Variants in NT5DC4 observed in about 807,000 individuals in gnomAD.
NT5DC4 encodes 5'-nucleotidase domain containing 4, also known as 5'-nucleotidase domain-containing protein 4.
A neutral mutation model predicts 26.6 loss-of-function variants in NT5DC4; 44 were observed. The ratio of observed to expected loss-of-function variants is 1.65; its 90% CI spans 1.30 to 2.13. The LOEUF is 2.13. Among genes scored for constraint, NT5DC4 ranks in the 30% most tolerant of loss-of-function variants. NT5DC4 has a pLI of 0.00. For missense variants in NT5DC4, 399 were observed against 228.1 expected (o/e 1.75, Z -4.83); for synonymous variants, 157 against 86.7 (o/e 1.81, Z -4.51).
At chr2:112,730,695 T>C (rs975197713) in intron 16 of NT5DC4, among the ~76,000 whole-genome samples, 5 of 152,214 alleles carry the variant, frequency 3.3e-5, no homozygotes, top group African/African-American at 1.2e-4. Flanking sequence ...GTGTATCCCA[T>C]AGGTCCCCTT....
chr2:112,727,438 G>C (rs1677888932), intron 15 of NT5DC4, among the ~76,000 whole-genome samples: 1 of 152,190 alleles, frequency 6.6e-6, no homozygotes, highest in Non-Finnish European at 1.5e-5. Flanking sequence ...TGGCGGGGTG[G>C]GGCCTGCCAG....
upstream of NT5DC4, among the ~76,000 whole-genome samples, chr2:112,719,211 G>A (rs1225484043): frequency 2.0e-5 from 3 of 152,200 alleles, no homozygotes; most frequent in Non-Finnish European, 2.9e-5. Flanking sequence ...TTATGATGGC[G>A]ATGAGGTCAC....
rs565706601 is a variant in NT5DC4 at position 112,723,730 on chromosome 2, C to T, written c.684C>T (p.Pro228=). ...TATCTCTGCCCCAGCCACGCCTCCC[C>T]ATCCTGCTGGGGAAGATGAAGGAGG... The part of the protein sequence containing the change: ...EKYVKKDPRL[P]ILLGKMKEVG... The change falls in exon 9 of 17, where the codon CCC becomes CCT. Residue 228 remains proline, a synonymous_variant. Transcript: ENST00000688554. The T allele has an allele frequency of 1.3e-5, 9 of 717,170 alleles. No individual in the cohort carries two copies. The East Asian group carries it at 2.4e-4, about 19-fold the overall frequency. 44.4% of individuals were successfully genotyped at this position (717,170 alleles called of 1,614,324 possible). A position where few individuals can be genotyped will look rare whatever the true frequency, so the allele number is the denominator to read the frequency against.
chr2:112,724,421 G>T, intron 10 of NT5DC4: 1 of 579,642 alleles, frequency 1.7e-6, no homozygotes, highest in Non-Finnish European at 3.1e-6. Flanking sequence ...GAGGGGTGCT[G>T]GGAGTGACAG....
At chr2:112,740,480 C>T (rs572338650), downstream of NT5DC4, among the ~76,000 whole-genome samples, 3 of 152,294 alleles carry the variant, frequency 2.0e-5, no homozygotes, top group Admixed American at 6.5e-5. Context: ...CACTGCTCTC[C>T]GTTCTTAGAG....
At chr2:112,731,917 CTTT>C (rs749249208) in intron 16 of NT5DC4, among the ~76,000 whole-genome samples, 3 of 108,628 alleles carry the variant, frequency 2.8e-5, no homozygotes, top group African/African-American at 3.6e-5. Context: ...AGAGAGTTTA[CTTT>C]TTTTTTTTTT....
intron 7 of NT5DC4, 57 bp from the exon 8 acceptor site, chr2:112,723,361 G>GCGCACA (rs1553432650): frequency 6.3e-6 from 4 of 636,794 alleles, no homozygotes; most frequent in South Asian, 1.8e-5. Flanking sequence ...GGGTACACAT[G>GCGCACA]CACACACACA....
chr2:112,719,938 CTTTCTTTCTTTCTT>C (rs1558714953), upstream of NT5DC4, among the ~76,000 whole-genome samples: 2 of 83,600 alleles, frequency 2.4e-5, no homozygotes, highest in African/African-American at 5.2e-5. Flanking sequence ...TTCTTTCTTT[CTTTCTTTCTTTCTT>C]TCTTTCTTTC....
At chr2:112,741,077 T>A, downstream of NT5DC4, 1 of 979,776 alleles carries the variant, frequency 1.0e-6, no homozygotes, top group Admixed American at 1.9e-5. Context: ...GTCAATAACA[T>A]GAAAAATACA....
intron 16 of NT5DC4, 106 bp from the exon 17 acceptor site, chr2:112,738,807 A>G: frequency 6.5e-7 from 1 of 1,540,352 alleles, no homozygotes; most frequent in South Asian, 1.1e-5. Context: ...CCTTTTTTAA[A>G]AAAAGCATCA....
intron 1 of NT5DC4, chr2:112,721,532 A>G (rs1202762262): frequency 7.0e-6 from 5 of 717,808 alleles, no homozygotes; most frequent in African/African-American, 5.2e-5. Context: ...TTGGATGCCT[A>G]TAACATGCCT....
At chr2:112,723,196 C>T in intron 7 of NT5DC4, 22 bp downstream of exon 7, 2 of 717,272 alleles carry the variant, frequency 2.8e-6, no homozygotes, top group African/African-American at 1.7e-5. Context: ...GTCCAGAACC[C>T]CCGGACCCCT....
intron 16 of NT5DC4, among the ~76,000 whole-genome samples, chr2:112,733,035 C>T (rs1255040263): frequency 6.6e-6 from 1 of 152,030 alleles, no homozygotes; most frequent in Non-Finnish European, 1.5e-5. Flanking sequence ...ACACATGTCA[C>T]CCAGTTTATT....
At chr2:112,727,966 C>A (rs1190947245) in intron 15 of NT5DC4, among the ~76,000 whole-genome samples, 1 of 152,242 alleles carries the variant, frequency 6.6e-6, no homozygotes, top group African/African-American at 2.4e-5. Flanking sequence ...TCTCGGGCGG[C>A]CCCGGAGTTG....
chr2:112,724,086 C>T lies in NT5DC4; in HGVS notation c.757-8C>T, dbSNP rs548030056. ...CTTGGTGCCCTGACGCTGCCTTGTC[C>T]TTGCCAGGCCATCATGACCTACCTG... On this transcript the variant is annotated splice_polypyrimidine_tract_variant and splice_region_variant and intron_variant, in intron 9 of 16. Transcript: ENST00000688554. 8.4e-6 allele frequency: 6 copies of T among 717,168 alleles called. No homozygotes were observed. The African/African-American group carries it at 8.7e-5, about 10-fold the overall frequency. The allele number at this position is 717,168 out of a possible 1,614,324, so 44.4% of individuals were successfully genotyped here. A position where few individuals can be genotyped will look rare whatever the true frequency, so the allele number is the denominator to read the frequency against.
chr2:112,728,426 G>A (rs919949364), intron 15 of NT5DC4, among the ~76,000 whole-genome samples: 3 of 152,202 alleles, frequency 2.0e-5, no homozygotes, highest in African/African-American at 7.2e-5. Context: ...GGTGGTAGAG[G>A]TGGCTACGAT....
At chr2:112,740,770 A>G (rs568649479), downstream of NT5DC4, 1 of 1,459,976 alleles carries the variant, frequency 6.8e-7, no homozygotes, top group East Asian at 2.3e-5. Flanking sequence ...CGAGACTTGG[A>G]CTAGAATTAA....
At chr2:112,738,795 CA>C in intron 16 of NT5DC4, 117 bp from the exon 17 acceptor site, 3 of 1,455,654 alleles carry the variant, frequency 2.1e-6, no homozygotes, top group Non-Finnish European at 2.9e-6. Context: ...GGTTCTGAAA[CA>C]CCTTTTTTAA....
chr2:112,724,799 C>A lies in NT5DC4; in HGVS notation c.808C>A (p.Pro270Thr), dbSNP rs896042906. ...CCAACAGGCTGAAGCCTCGGGCAGG[C>A]CCTGGAGGTCCTACTTTGACCTGAT... Reference protein sequence around the residue: ...SISEAEASGRPWRSYFDLIVV... With the variant: ...SISEAEASGRTWRSYFDLIVV... The change falls in exon 11 of 17, where the codon CCC becomes ACC. Residue 270 changes from proline to threonine, a missense_variant. Pro to Thr is a conservative substitution (Grantham distance 38, BLOSUM62 -1). Transcript: ENST00000688554. 1.8e-5 allele frequency: 13 copies of A among 717,034 alleles called. No individual in the cohort carries two copies. The highest frequency in any genetic ancestry group is 2.9e-5 in the Non-Finnish European group (11 of 385,026). The allele number at this position is 717,034 out of a possible 1,614,324, so 44.4% of individuals were successfully genotyped here.
Sources: gnomAD v4.1 joint callset for allele counts (sites outside exome capture counted in the v4.1 genomes callset) on GRCh38, gnomAD v4.1.1 for gene constraint, MANE v1.5 for transcripts, NCBI Gene and HGNC (gene_info 2026-07-23, HGNC 2026-07-21) for gene names.